The following NRP1 variants were observed in gnomAD, a reference collection of about 807,000 sequenced individuals.
The protein encoded by NRP1 is neuropilin-1.
A neutral mutation model predicts 106.7 loss-of-function variants in NRP1; 35 were observed. The ratio of observed to expected loss-of-function variants is 0.33; its 90% CI spans 0.25 to 0.43. The LOEUF is 0.43. Among genes scored for constraint, NRP1 ranks in the 20% least tolerant of loss-of-function variants. NRP1 has a pLI of 1.00. For missense variants in NRP1, 1,024 were observed against 1,170.4 expected (o/e 0.87, Z 1.83); for synonymous variants, 437 against 417.9 (o/e 1.05, Z -0.56).
intron 8 of NRP1, among the ~76,000 whole-genome samples, chr10:33,218,156 G>A (rs1237211749): frequency 1.3e-5 from 2 of 152,112 alleles, no homozygotes; most frequent in African/African-American, 4.8e-5. Context: ...AGTGTGTTAA[G>A]CAGCCATTGC....
At chr10:33,308,636 A>C (rs1412580127) in intron 2 of NRP1, among the ~76,000 whole-genome samples, 1 of 151,830 alleles carries the variant, frequency 6.6e-6, no homozygotes, top group Non-Finnish European at 1.5e-5. Context: ...ATGGGCATGC[A>C]TCACTATGTC....
chr10:33,238,179 G>A (rs1840728388), intron 6 of NRP1, among the ~76,000 whole-genome samples: 1 of 152,242 alleles, frequency 6.6e-6, no homozygotes, highest in Non-Finnish European at 1.5e-5. Flanking sequence ...ACCTGCATGA[G>A]TCAGCGAGAC....
intron 13 of NRP1, among the ~76,000 whole-genome samples, chr10:33,190,778 ATG>A (rs1040228965): frequency 1.3e-5 from 2 of 151,698 alleles, no homozygotes; most frequent in Non-Finnish European, 2.9e-5. Context: ...GAGTGTGTAT[ATG>A]TGTGTGTGTG....
intron 2 of NRP1, among the ~76,000 whole-genome samples, chr10:33,304,113 A>T (rs1481597782): frequency 6.6e-6 from 1 of 152,214 alleles, no homozygotes; most frequent in Non-Finnish European, 1.5e-5. Context: ...ACTCAATGTC[A>T]TTTGGTTAAC....
At chr10:33,245,656 A>G (rs957008526) in intron 6 of NRP1, among the ~76,000 whole-genome samples, 2 of 152,194 alleles carry the variant, frequency 1.3e-5, no homozygotes, top group Non-Finnish European at 2.9e-5. Context: ...GGATGCTAAG[A>G]TTCTAGTCCA....
intron 2 of NRP1, among the ~76,000 whole-genome samples, chr10:33,299,971 TAGAA>T (rs1845687201): frequency 1.3e-5 from 2 of 152,146 alleles, no homozygotes; most frequent in Admixed American, 6.5e-5. Flanking sequence ...AAAATTGACT[TAGAA>T]AGCCACTCGA....
In NRP1 at chr10:33,180,316, GGA is replaced by G. The variant is rs1254199441; in HGVS notation, c.2530_2531del (p.Ser844GlnfsTer42). On this transcript the variant is annotated frameshift_variant, in exon 17 of 17. Coordinates refer to ENST00000374867, the MANE Select transcript of NRP1 (RefSeq NM_003873.7). LOFTEE classifies it high-confidence loss of function. Reference protein sequence around the residue: ...EGEGEGDKNISRKPGNVLKTL... With the variant: ...EGEGEGDKNIXRKPGNVLKTL... ...TCTTCAACACATTGCCTGGCTTCCT[GGA>G]GATGTTCTTGTCACCTTCTCCTTCA... The G allele has an allele frequency of 6.2e-7, 1 of 1,607,176 alleles. No homozygotes were observed. The highest frequency in any genetic ancestry group is 1.7e-5 in the Admixed American group (1 of 59,884).
rs1253668363 is a variant in NRP1, at chr10:33,330,405, A to G, written c.248+303T>C. 3.9e-5 allele frequency among the ~76,000 whole-genome samples: 6 copies of G among 152,114 alleles called. No individual in the cohort carries two copies. The East Asian group carries it at 7.7e-4, about 20-fold the overall frequency. ...TCTTCCCCTCTCCAGGAAAAAAAAA[A>G]AAAGAAAGAAAAAAGAAACATACAT... On this transcript the variant is annotated intron_variant, in intron 2 of 16. Transcript: ENST00000374867.
intron 2 of NRP1, among the ~76,000 whole-genome samples, chr10:33,326,727 T>C (rs1475117174): frequency 6.6e-6 from 1 of 152,208 alleles, no homozygotes; most frequent in East Asian, 1.9e-4. Flanking sequence ...GAATGTTGCA[T>C]GTTAAAACTA....
chr10:33,285,454 T>C (rs1028550685), intron 2 of NRP1, among the ~76,000 whole-genome samples: 1 of 152,208 alleles, frequency 6.6e-6, no homozygotes, highest in Non-Finnish European at 1.5e-5. Context: ...TCTCATTTTC[T>C]AGGTGATGAT....
Position 33,228,505 on chromosome 10 carries a change from TC to T in NRP1, c.982-2217del, listed in dbSNP as rs1839856181. 2.0e-5 allele frequency among the ~76,000 whole-genome samples: 3 copies of T among 152,382 alleles called. No individual in the cohort carries two copies. The East Asian group carries it at 5.8e-4, about 29-fold the overall frequency. On this transcript the variant is annotated intron_variant, in intron 6 of 16. Coordinates refer to ENST00000374867, the MANE Select transcript of NRP1 (RefSeq NM_003873.7). Reference sequence around the variant, plus strand: ...CAGAATATAATATTTCAATTAATTCTCCAGTGCCCATGGGCCACGAACACTT... The same window carrying T: ...CAGAATATAATATTTCAATTAATTCTCAGTGCCCATGGGCCACGAACACTT...
chr10:33,210,531 T>C (rs1041339332), intron 9 of NRP1, among the ~76,000 whole-genome samples: 7 of 152,246 alleles, frequency 4.6e-5, no homozygotes, highest in African/African-American at 1.4e-4. Flanking sequence ...AAAACCCATA[T>C]GGAACTAGGC....
rs757869897 is a variant in NRP1, at chr10:33,179,886, A to G, written c.*190T>C. On this transcript the variant is annotated 3_prime_UTR_variant, in exon 17 of 17. Transcript: ENST00000374867. Reference sequence around the variant, plus strand: ...CCAACAGGAAAAAAGCTGACTGCACATGAGTCCGATGGTGAACACAGCTCC... The same window carrying G: ...CCAACAGGAAAAAAGCTGACTGCACGTGAGTCCGATGGTGAACACAGCTCC... The G allele has an allele frequency of 4.7e-6, 3 of 633,954 alleles. No individual in the cohort carries two copies. Among genetic ancestry groups the G allele is most frequent in the Admixed American group, 5.4e-5 (2 of 37,036 alleles). The allele number at this position is 633,954 out of a possible 1,614,324, so 39.3% of individuals were successfully genotyped here. A position where few individuals can be genotyped will look rare whatever the true frequency, so the allele number is the denominator to read the frequency against.
intron 2 of NRP1, among the ~76,000 whole-genome samples, chr10:33,286,034 T>G (rs1274546362): frequency 6.6e-6 from 1 of 152,168 alleles, no homozygotes; most frequent in Non-Finnish European, 1.5e-5. Flanking sequence ...CACCCATTGA[T>G]CCTAAGACTG....
chr10:33,272,860 C>T (rs10827227), intron 2 of NRP1, among the ~76,000 whole-genome samples: 78,598 of 151,854 alleles, frequency 0.52, 22,715 homozygotes, highest in African/African-American at 0.79. Context: ...TTCTAGCTCA[C>T]GTTGCCTTCC....
chr10:33,207,748 G>GAAA, intron 9 of NRP1, 32 bp from the exon 10 acceptor site: 2 of 1,290,764 alleles, frequency 1.5e-6, no homozygotes, highest in African/African-American at 1.6e-5. Flanking sequence ...GGGCATTAAG[G>GAAA]AAAAAAAAAA....
chr10:33,182,367 G>A (rs1466215266), intron 16 of NRP1, among the ~76,000 whole-genome samples: 1 of 152,150 alleles, frequency 6.6e-6, no homozygotes, highest in Non-Finnish European at 1.5e-5. Context: ...TGTCTTTGTA[G>A]TGATAAACTG....
intron 6 of NRP1, among the ~76,000 whole-genome samples, chr10:33,243,624 T>C (rs1340736575): frequency 1.0e-5 from 1 of 95,798 alleles, no homozygotes; most frequent in Non-Finnish European, 2.0e-5. Context: ...ATTAGAATAA[T>C]GCCATACATA....
chr10:33,194,605 T>C (rs1836644151), intron 12 of NRP1: 1 of 429,512 alleles, frequency 2.3e-6, no homozygotes, highest in Non-Finnish European at 4.8e-6. Flanking sequence ...CCCCATCCTG[T>C]ACATTTAACC....
Sources: allele counts gnomAD v4.1 joint callset (sites outside exome capture counted in the v4.1 genomes callset), GRCh38; gene constraint gnomAD v4.1.1; transcripts MANE v1.5; gene names NCBI Gene and HGNC (gene_info 2026-07-23, HGNC 2026-07-21).